The following ITPR3 variants were observed in gnomAD, a reference collection of about 807,000 sequenced individuals.
The protein encoded by ITPR3 is inositol 1,4,5-trisphosphate receptor type 3.
Under a neutral mutation model 293.2 loss-of-function variants are expected in ITPR3, and 173 were observed. The observed-to-expected ratio is 0.59, with a 90% CI of 0.52 to 0.67. The LOEUF (loss-of-function observed/expected upper bound fraction) is 0.67, where lower values mean the gene tolerates loss of function less well. ITPR3 is among the 30% of genes least tolerant of loss of function. The probability of loss-of-function intolerance (pLI) is 0.00; values close to 1 mark genes in which losing one functional copy is unlikely to be tolerated. For missense variants in ITPR3, 2,796 were observed against 3,592.1 expected, an observed-to-expected ratio of 0.78 and a Z score of 5.66; for synonymous variants, 1,295 against 1,444.4, an observed-to-expected ratio of 0.90 and a Z score of 2.35.
In ITPR3 at chr6:33,659,485, A is replaced by G. The variant is rs1764401220; in HGVS notation, c.647A>G (p.Asn216Ser). The G allele has an allele frequency of 5.0e-6, 8 of 1,614,104 alleles. No individual in the cohort carries two copies. Among genetic ancestry groups the G allele is most frequent in the Non-Finnish European group, 6.8e-6 (8 of 1,179,992 alleles). ...GCKEVNSVNC[N>S]TSWKINLFMQ... The stretch of plus-strand genomic sequence containing the variant: ...CCGCAGGTCAATTCTGTGAACTGCA[A>G]CACCAGCTGGAAGATCAACCTGTTT... The change falls in exon 7 of 58, where the codon AAC (asparagine) becomes AGC (serine). Residue 216 changes from asparagine to serine, a missense_variant. Asn to Ser is a conservative substitution (Grantham distance 46). Around this residue, in one of 8 missense-constraint regions of ITPR3, gnomAD observed 144 missense variants for 230.8 expected, o/e 0.62. Coordinates refer to ENST00000605930, the MANE Select transcript of ITPR3 (RefSeq NM_002224.4).
chr6:33,671,808 C>T (rs1764775038), intron 21 of ITPR3, among the ~76,000 whole-genome samples: 1 of 152,172 alleles, frequency 6.6e-6, no homozygotes, highest in South Asian at 2.1e-4. Context: ...CCCCACACAG[C>T]TCACCTTTGC....
rs773565312 is a variant in ITPR3, at chr6:33,680,409, C to T, written c.4305C>T (p.Asn1435=). Residue 1435 remains asparagine (N), a synonymous_variant, in exon 32 of 58, where the codon AAC becomes AAT. Transcript: ENST00000605930. ...AGATGAAGGAGATCTACACCAGCAA[C>T]CACATCTGGACGCTCTTTGAGAACT... ...EVEMKEIYTS[N]HIWTLFENFT... is the part of the protein sequence containing the mutation. 1.9e-6 allele frequency: 3 copies of T among 1,613,678 alleles called. No homozygotes were observed. In the South Asian group the frequency reaches 3.3e-5, roughly 18 times the overall value.
intron 1 of ITPR3, among the ~76,000 whole-genome samples, chr6:33,630,976 A>G (rs1433121047): frequency 6.6e-6 from 1 of 152,218 alleles, no homozygotes; most frequent in Non-Finnish European, 1.5e-5. Flanking sequence ...CAGGAGCCCC[A>G]ACCAGTGAAT....
At position 33,683,513 on chromosome 6, in the gene ITPR3, C is replaced by A; in HGVS notation, c.4788+116C>A. ...GTTTCTTCCTGTCCTGCCCACACTT[C>A]CAGGAAGGGGCTGGTTGGCTTCTCT... On this transcript the variant is annotated intron_variant, in intron 35 of 57. Coordinates refer to ENST00000605930, the MANE Select transcript of ITPR3 (RefSeq NM_002224.4). This position sits in a 1 kb window ranked among gnomAD's most constrained non-coding sequence, Gnocchi z 4.5. The A allele has an allele frequency of 1.1e-6, 1 of 911,336 alleles. No individual in the cohort carries two copies. Among genetic ancestry groups the A allele is most frequent in the Non-Finnish European group, 1.6e-6 (1 of 628,320 alleles). The allele number at this position is 911,336 out of a possible 1,614,324, so 56.5% of individuals were successfully genotyped here.
At chr6:33,629,613 T>C (rs1262854770) in intron 1 of ITPR3, among the ~76,000 whole-genome samples, 3 of 152,018 alleles carry the variant, frequency 2.0e-5, no homozygotes, top group Non-Finnish European at 4.4e-5. Context: ...CCAGAGTAGC[T>C]GGGATTACCA....
intron 2 of ITPR3, among the ~76,000 whole-genome samples, chr6:33,653,676 C>T (rs1309543659): frequency 6.6e-6 from 1 of 152,224 alleles, no homozygotes; most frequent in Non-Finnish European, 1.5e-5. Flanking sequence ...GTGGGCAGGA[C>T]ATTTGCCATC....
intron 28 of ITPR3, 138 bp downstream of exon 28, chr6:33,677,767 C>A: frequency 1.0e-6 from 1 of 978,752 alleles, no homozygotes; most frequent in Non-Finnish European, 1.5e-6. Flanking sequence ...TGTTTGCAGG[C>A]ACACCTTGAC....
At position 33,678,427 on chromosome 6, in the gene ITPR3, G is replaced by T. The variant is rs1214939241; in HGVS notation, c.3655G>T (p.Ala1219Ser). Residue 1219 changes from alanine (A) to serine (S), a missense_variant, in exon 29 of 58, where the codon GCC (alanine) becomes TCC (serine). Around this residue, in one of 8 missense-constraint regions of ITPR3, gnomAD observed 344 missense variants for 460.3 expected, o/e 0.75. Coordinates refer to ENST00000605930, the MANE Select transcript of ITPR3 (RefSeq NM_002224.4). Reference sequence around the variant, plus strand: ...CCCTGACTCCTGTGTCCAGGGTGATGCCAAGATGATGGAGATCCTGCGCTA... The same window carrying T: ...CCCTGACTCCTGTGTCCAGGGTGATTCCAAGATGATGGAGATCCTGCGCTA... Reference protein sequence around the residue: ...LLQIPYDKGDAKMMEILRYTH... With the variant: ...LLQIPYDKGDSKMMEILRYTH... 1.2e-6 allele frequency: 2 copies of T among 1,613,588 alleles called. No homozygotes were observed. The highest frequency in any genetic ancestry group is 2.2e-5 in the East Asian group (1 of 44,880).
At position 33,664,844 on chromosome 6, in the gene ITPR3, G is replaced by A. The variant is rs1369805438; in HGVS notation, c.1149-26G>A. The A allele has an allele frequency of 6.2e-7, 1 of 1,607,766 alleles. No individual in the cohort carries two copies. ...ACGTGCTCTGTGGTGCACTCCCCGA[G>A]TCCTTTCCCTCCCACCCACCTGCAG... is the stretch of plus-strand genomic sequence containing the variant. On this transcript the variant is annotated intron_variant, in intron 11 of 57. Transcript: ENST00000605930. The surrounding 1 kb of genome is among the most constrained non-coding windows in gnomAD (Gnocchi z 4.4).
intron 9 of ITPR3, 117 bp downstream of exon 9, chr6:33,663,123 T>C (rs1582131971): frequency 1.3e-6 from 1 of 780,758 alleles, no homozygotes; most frequent in East Asian, 2.7e-5. Flanking sequence ...CCCTGACTTC[T>C]CTGCACTCAT....
intron 3 of ITPR3, among the ~76,000 whole-genome samples, chr6:33,656,373 A>G (rs1764306331): frequency 6.6e-6 from 1 of 152,180 alleles, no homozygotes; most frequent in Admixed American, 6.5e-5. Context: ...AACAACCTGT[A>G]CAGCTGTCCA....
chr6:33,636,441 G>C (rs539221435), intron 1 of ITPR3, among the ~76,000 whole-genome samples: 1 of 152,146 alleles, frequency 6.6e-6, no homozygotes, highest in Admixed American at 6.5e-5. Context: ...GGACAATGTG[G>C]TGGTGAGAGT....
intron 56 of ITPR3, among the ~76,000 whole-genome samples, chr6:33,694,136 C>G (rs532185015): frequency 6.6e-6 from 1 of 152,102 alleles, no homozygotes; most frequent in Admixed American, 6.6e-5. Context: ...TTTTCTAGCT[C>G]GGTGGGAAGG....
At chr6:33,690,749 CCT>C (rs1278932252) in intron 51 of ITPR3, among the ~76,000 whole-genome samples, 166 bp from the exon 52 acceptor site, 2 of 152,140 alleles carry the variant, frequency 1.3e-5, no homozygotes, top group East Asian at 3.9e-4. Context: ...GAGAAGCTCC[CCT>C]GACAGGCCCA....
rs1347870990 is a variant in ITPR3 at position 33,624,881 on chromosome 6, C to T, written c.89+3190C>T. Among the ~76,000 whole-genome samples, 3 of 152,154 alleles carry T rather than the reference C, an allele frequency of 2.0e-5. No individual in the cohort carries two copies. Among genetic ancestry groups the T allele is most frequent in the African/African-American group, 7.2e-5 (3 of 41,430 alleles). The stretch of plus-strand genomic sequence containing the variant: ...CCAGAGCTCTTCAGTGCAAAGTGGA[C>T]GAGGCCAATTAGAGCCTCCTGGAGA... On this transcript the variant is annotated intron_variant, in intron 1 of 57. Transcript: ENST00000605930. The surrounding 1 kb of genome is among the most constrained non-coding windows in gnomAD (Gnocchi z 4.7).
rs1764527624 is a variant in ITPR3, at chr6:33,663,416, A to G, written c.955-84A>G. ...CCTGCCTGCCCAAACCCAGGGCCCT[A>G]TGTAGGTGACCATGTTTTGCAGTGG... On this transcript the variant is annotated intron_variant, in intron 9 of 57. Coordinates refer to ENST00000605930, the MANE Select transcript of ITPR3 (RefSeq NM_002224.4). The G allele has an allele frequency of 3.6e-6, 5 of 1,379,204 alleles. No homozygotes were observed. In the Admixed American group the frequency reaches 7.8e-5, roughly 22 times the overall value. The allele number at this position is 1,379,204 out of a possible 1,614,324, so 85.4% of individuals were successfully genotyped here. A position where few individuals can be genotyped will look rare whatever the true frequency, so the allele number is the denominator to read the frequency against.
intron 47 of ITPR3, 27 bp from the exon 48 acceptor site, chr6:33,688,212 G>A: frequency 6.2e-7 from 1 of 1,614,058 alleles, no homozygotes; most frequent in East Asian, 2.2e-5. Context: ...CCTGCGCCGG[G>A]CGTGACCATG....
chr6:33,662,760 T>C, intron 8 of ITPR3, 86 bp downstream of exon 8: 1 of 1,546,368 alleles, frequency 6.5e-7, no homozygotes, highest in Non-Finnish European at 8.7e-7. Flanking sequence ...GGGTGGGATA[T>C]TGACCCCTAC....
At position 33,686,167 on chromosome 6, in the gene ITPR3, T is replaced by C; in HGVS notation, c.5782T>C (p.Tyr1928His). 1 of 1,614,174 alleles carries C rather than the reference T, an allele frequency of 6.2e-7. No individual in the cohort carries two copies. The highest frequency in any genetic ancestry group is 8.5e-7 in the Non-Finnish European group (1 of 1,180,044). The change falls in exon 42 of 58, where the codon TAC becomes CAC. Residue 1928 changes from tyrosine (Y) to histidine (H), a missense_variant. Physicochemically the swap from Tyr to His is moderately conservative, Grantham distance 83. This residue lies in a region of ITPR3 where 704 missense variants were observed against 797.5 expected (regional missense o/e 0.88). Coordinates refer to ENST00000605930, the MANE Select transcript of ITPR3 (RefSeq NM_002224.4). ...GGGCGGCCTGGGGCTGCTGGGGCTC[T>C]ACATCAATGAGGACAACGTGGGCCT... ...TTGGLGLLGL[Y>H]INEDNVGLVI...
Sources: gnomAD v4.1 joint callset for allele counts (sites outside exome capture counted in the v4.1 genomes callset) on GRCh38, gnomAD v4.1.1 for gene constraint, gnomAD v4.1.1 regional missense constraint, Gnocchi (gnomAD v3.1) non-coding constraint, MANE v1.5 for transcripts, NCBI Gene and HGNC (gene_info 2026-07-23, HGNC 2026-07-21) for gene names.